Variants in PAXBP1 observed in about 807,000 individuals in gnomAD.
PAXBP1 encodes the protein PAX3 and PAX7 binding protein 1.
Under a neutral mutation model 119.9 loss-of-function variants are expected in PAXBP1, and 44 were observed. The observed-to-expected ratio is 0.37, with a 90% CI of 0.29 to 0.47. The LOEUF (loss-of-function observed/expected upper bound fraction) is 0.47, where lower values mean the gene tolerates loss of function less well. Among genes scored for constraint, PAXBP1 ranks in the 20% least tolerant of loss-of-function variants. The probability of loss-of-function intolerance (pLI) is 0.99; values close to 1 mark genes in which losing one functional copy is unlikely to be tolerated. For missense variants in PAXBP1, 898 were observed against 1,134.1 expected, an observed-to-expected ratio of 0.79 and a Z score of 2.99; for synonymous variants, 393 against 406.6, an observed-to-expected ratio of 0.97 and a Z score of 0.40.
intron 7 of PAXBP1, among the ~76,000 whole-genome samples, chr21:32,758,493 T>C (rs2044079568): frequency 6.6e-6 from 1 of 151,924 alleles, no homozygotes; most frequent in Non-Finnish European, 1.5e-5. Context: ...GCCAAACATT[T>C]TGTCAACTGA....
rs368191673 is a variant in PAXBP1, at chr21:32,748,731, C to T, written c.1724-33G>A. 1.4e-4 allele frequency: 216 copies of T among 1,571,614 alleles called. No homozygotes were observed. The African/African-American group carries it at 2.6e-3, about 19-fold the overall frequency. ...CAACAAAACCCCACAGAGAACCATA[C>T]ATTAGTATGAAGTAGGAAAAAAACA... On this transcript the variant is annotated intron_variant, in intron 10 of 17. Coordinates refer to ENST00000331923, the MANE Select transcript of PAXBP1 (RefSeq NM_016631.4).
At chr21:32,771,243 G>T (rs1293809566) in intron 1 of PAXBP1, 83 bp downstream of exon 1, 3 of 1,264,302 alleles carry the variant, frequency 2.4e-6, no homozygotes, top group Non-Finnish European at 2.1e-6. Context: ...CCGGGGCTGG[G>T]CGTCCAGAGA....
chr21:32,758,677 T>C (rs1222958629), intron 7 of PAXBP1, among the ~76,000 whole-genome samples: 1 of 149,078 alleles, frequency 6.7e-6, no homozygotes. Context: ...CTAATAAAAA[T>C]TTGCAACTTT....
intron 15 of PAXBP1, among the ~76,000 whole-genome samples, chr21:32,739,403 C>G (rs1569153647): frequency 6.6e-6 from 1 of 152,124 alleles, no homozygotes; most frequent in Non-Finnish European, 1.5e-5. Context: ...ACAGCGTGTA[C>G]CTCATTGAGC....
intron 17 of PAXBP1, among the ~76,000 whole-genome samples, chr21:32,736,732 C>T (rs1007360143): frequency 3.9e-5 from 6 of 152,120 alleles, no homozygotes; most frequent in African/African-American, 2.4e-5. Flanking sequence ...ACTTTTTATG[C>T]TAGAGATTTA....
chr21:32,759,696 G>A, intron 6 of PAXBP1, 81 bp downstream of exon 6: 1 of 1,148,970 alleles, frequency 8.7e-7, no homozygotes, highest in Non-Finnish European at 1.3e-6. Context: ...CTGATATTCT[G>A]CATCTGCTAC....
chr21:32,734,779 C>A lies in PAXBP1; in HGVS notation c.*171G>T. On this transcript the variant is annotated 3_prime_UTR_variant, in exon 18 of 18. Coordinates refer to ENST00000331923, the MANE Select transcript of PAXBP1 (RefSeq NM_016631.4). ...ACATTCATAGACTCCTAGAAATAAT[C>A]TGAATTCCTTTCATTCTGAAGAAAT... The A allele has an allele frequency of 1.6e-6, 1 of 632,916 alleles. No individual in the cohort carries two copies. The highest frequency in any genetic ancestry group is 2.8e-5 in the East Asian group (1 of 35,800). 39.2% of individuals were successfully genotyped at this position (632,916 alleles called of 1,614,324 possible).
At chr21:32,755,422 T>G (rs1013637332) in intron 7 of PAXBP1, 69 bp from the exon 8 acceptor site, 99 of 1,566,642 alleles carry the variant, frequency 6.3e-5, no homozygotes, top group Non-Finnish European at 7.5e-5. Context: ...GGTTCCATAC[T>G]ATTTCCGGAT....
At position 32,771,306 on chromosome 21, in the gene PAXBP1, G is replaced by GTCCGAAGCGCGCACTTTACCT; in HGVS notation, c.342_343+19dup. On this transcript the variant is annotated intron_variant, in intron 1 of 17. Transcript: ENST00000331923. ...GTCGGGGATGCGGCCGTCTAAGGGC[G>GTCCGAAGCGCGCACTTTACCT]TCCGAAGCGCGCACTTTACCTTCCT... 6.4e-7 allele frequency: 1 copy of GTCCGAAGCGCGCACTTTACCT among 1,568,422 alleles called. No homozygotes were observed. The highest frequency in any genetic ancestry group is 8.6e-7 in the Non-Finnish European group (1 of 1,165,056).
chr21:32,755,510 G>T, intron 7 of PAXBP1, 157 bp from the exon 8 acceptor site: 2 of 890,948 alleles, frequency 2.2e-6, no homozygotes, highest in Non-Finnish European at 3.3e-6. Flanking sequence ...TCTGTTTTAT[G>T]TTTGGGAAAC....
At chr21:32,742,561 C>T (rs1196324527) in intron 15 of PAXBP1, 1 of 152,774 alleles carries the variant, frequency 6.5e-6, no homozygotes. Context: ...TGAATGTCCC[C>T]TTTCATAACT....
At chr21:32,757,379 A>G (rs1023176062) in intron 7 of PAXBP1, among the ~76,000 whole-genome samples, 5 of 152,332 alleles carry the variant, frequency 3.3e-5, no homozygotes, top group Middle Eastern at 3.4e-3. Context: ...AGAATGAAAT[A>G]TAATACTCAT....
chr21:32,763,650 C>G lies in PAXBP1; in HGVS notation c.649+698G>C, dbSNP rs75815068. Reference sequence around the variant, plus strand: ...ATTAGCCAGTGGATAGACCTGCAAACTATTTTTTGCAGAAAAGTAAAAAGG... The same window carrying G: ...ATTAGCCAGTGGATAGACCTGCAAAGTATTTTTTGCAGAAAAGTAAAAAGG... On this transcript the variant is annotated intron_variant, in intron 3 of 17. Transcript: ENST00000331923. Among the ~76,000 whole-genome samples the G allele has an allele frequency of 9.8e-3, 1,487 of 152,276 alleles. 14 individuals are homozygous for G. Among genetic ancestry groups the G allele is most frequent in the Middle Eastern group, 0.061 (18 of 294 alleles).
chr21:32,745,597 T>C lies in PAXBP1; in HGVS notation c.2045A>G (p.Lys682Arg), dbSNP rs1199498564. The C allele has an allele frequency of 6.2e-7, 1 of 1,614,008 alleles. No individual in the cohort carries two copies. Among genetic ancestry groups the C allele is most frequent in the Non-Finnish European group, 8.5e-7 (1 of 1,179,888 alleles). ...ACCTGTTAGTTTAGGAAGAATCACCTTTTCCACAATGGTAGGTAGTAGGGC... is the reference window on the plus strand; with the variant it reads ...ACCTGTTAGTTTAGGAAGAATCACCCTTTCCACAATGGTAGGTAGTAGGGC... Reference protein sequence around the residue: ...DVALLPTIVEKVILPKLTVIA... With the variant: ...DVALLPTIVERVILPKLTVIA... Residue 682 changes from lysine to arginine, a missense_variant, in exon 12 of 18, where the codon AAG (lysine) becomes AGG (arginine). By Grantham distance (26) the Lys-to-Arg change is conservative (BLOSUM62 2). Around this residue, in one of 2 missense-constraint regions of PAXBP1, gnomAD observed 599 missense variants for 852.7 expected, o/e 0.70. Transcript: ENST00000331923.
chr21:32,758,664 A>C (rs1025612249), intron 7 of PAXBP1, among the ~76,000 whole-genome samples: 6 of 151,156 alleles, frequency 4.0e-5, no homozygotes, highest in Admixed American at 2.0e-4. Flanking sequence ...AAAAAAAAAA[A>C]AACTAATAAA....
chr21:32,762,223 A>C lies in PAXBP1; in HGVS notation c.744T>G (p.Pro248=). Residue 248 remains proline (P), a synonymous_variant, in exon 4 of 18, where the codon CCT becomes CCG. Transcript: ENST00000331923. ...LGDFTPHDNE[P]GKGRLVREDE... ...CTTCTCTAACAAGGCGGCCTTTACC[A>C]GGCTCATTATCATGAGGAGTGAAAT... 1 of 1,614,118 alleles carries C rather than the reference A, an allele frequency of 6.2e-7. No homozygotes were observed. The highest frequency in any genetic ancestry group is 8.5e-7 in the Non-Finnish European group (1 of 1,180,000).
intron 2 of PAXBP1, among the ~76,000 whole-genome samples, chr21:32,767,953 G>A (rs2044271503): frequency 6.6e-6 from 1 of 152,124 alleles, no homozygotes; most frequent in Non-Finnish European, 1.5e-5. Flanking sequence ...CAGTTTCCTA[G>A]ACTCCAAAAT....
chr21:32,747,647 A>G (rs746961467), intron 11 of PAXBP1, among the ~76,000 whole-genome samples: 19 of 152,108 alleles, frequency 1.2e-4, no homozygotes, highest in Non-Finnish European at 2.4e-4. Context: ...CAACCTAGCC[A>G]ATCTCAACCA....
intron 8 of PAXBP1, among the ~76,000 whole-genome samples, chr21:32,753,425 CAAAAA>C (rs757858309): frequency 3.3e-5 from 3 of 90,996 alleles, no homozygotes; most frequent in East Asian, 3.2e-4. Flanking sequence ...GACTCCGTCT[CAAAAA>C]AAAAAAAAAA....
Sources: gnomAD v4.1 joint callset for allele counts (sites outside exome capture counted in the v4.1 genomes callset) on GRCh38, gnomAD v4.1.1 for gene constraint, gnomAD v4.1.1 regional missense constraint, MANE v1.5 for transcripts, NCBI Gene and HGNC (gene_info 2026-07-23, HGNC 2026-07-21) for gene names.